The following ERBB4 variants were observed in gnomAD, a reference collection of about 807,000 sequenced individuals.
ERBB4 encodes the protein receptor tyrosine-protein kinase erbB-4.
Under a neutral mutation model 158.0 loss-of-function variants are expected in ERBB4, and 42 were observed. That is an observed-to-expected ratio of 0.27 (90% confidence interval 0.21 to 0.34). The LOEUF is 0.34. Among genes scored for constraint, ERBB4 ranks in the 10% least tolerant of loss-of-function variants. ERBB4 has a pLI of 1.00. For missense variants in ERBB4, 1,333 were observed against 1,624.1 expected, an observed-to-expected ratio of 0.82 and a Z score of 3.08; for synonymous variants, 583 against 558.7, an observed-to-expected ratio of 1.04 and a Z score of -0.61.
At chr2:211,703,379 AAATTTT>A (rs1314066139) in intron 11 of ERBB4, among the ~76,000 whole-genome samples, 2 of 152,192 alleles carry the variant, frequency 1.3e-5, no homozygotes, top group Non-Finnish European at 2.9e-5. Flanking sequence ...TATAACTTTT[AAATTTT>A]AATAGTGAAA....
At chr2:211,888,706 C>T (rs961236383) in intron 3 of ERBB4, among the ~76,000 whole-genome samples, 5 of 152,020 alleles carry the variant, frequency 3.3e-5, no homozygotes, top group Admixed American at 3.3e-4. Flanking sequence ...CGTGCGCGAG[C>T]CGAAGCAGGG....
chr2:212,364,437 T>C (rs897392063), intron 1 of ERBB4, among the ~76,000 whole-genome samples: 1 of 151,604 alleles, frequency 6.6e-6, no homozygotes, highest in African/African-American at 2.4e-5. Context: ...ATAATGCAAC[T>C]GGGCAGCCTT....
chr2:212,156,989 T>C (rs2081053351), intron 1 of ERBB4, among the ~76,000 whole-genome samples: 1 of 152,070 alleles, frequency 6.6e-6, no homozygotes, highest in Admixed American at 6.6e-5. Context: ...TCTCCAAACT[T>C]TTCTCCATAT....
chr2:211,546,477 T>C (rs1452463903), intron 20 of ERBB4, among the ~76,000 whole-genome samples: 1 of 152,128 alleles, frequency 6.6e-6, no homozygotes, highest in Non-Finnish European at 1.5e-5. Flanking sequence ...CTCATTCACT[T>C]TCAGCCTGTA....
chr2:212,097,735 G>A (rs954456826), intron 2 of ERBB4, among the ~76,000 whole-genome samples: 3 of 152,134 alleles, frequency 2.0e-5, no homozygotes, highest in African/African-American at 7.2e-5. Context: ...TGATTTCAAA[G>A]AGAAGAAATG....
At chr2:212,055,614 G>C (rs1398370703) in intron 2 of ERBB4, among the ~76,000 whole-genome samples, 4 of 152,228 alleles carry the variant, frequency 2.6e-5, no homozygotes, top group Non-Finnish European at 2.9e-5. Flanking sequence ...AACGTTTGCT[G>C]TTCAGCAATA....
At chr2:212,128,999 A>T (rs1260467990) in intron 1 of ERBB4, among the ~76,000 whole-genome samples, 1 of 152,086 alleles carries the variant, frequency 6.6e-6, no homozygotes, top group Non-Finnish European at 1.5e-5. Context: ...TAAACTAATA[A>T]AATGACTGTT....
chr2:211,675,360 C>A (rs1262200185), intron 13 of ERBB4, among the ~76,000 whole-genome samples: 2 of 152,008 alleles, frequency 1.3e-5, no homozygotes, highest in African/African-American at 2.4e-5. Context: ...TATTTCTAGG[C>A]CTTAAATACT....
chr2:211,786,496 A>C (rs967690648), intron 4 of ERBB4, among the ~76,000 whole-genome samples: 1 of 152,248 alleles, frequency 6.6e-6, no homozygotes, highest in South Asian at 2.1e-4. Flanking sequence ...TTTACATGAA[A>C]AAAACAATAC....
At chr2:211,886,164 G>T (rs946402682) in intron 3 of ERBB4, among the ~76,000 whole-genome samples, 1 of 152,152 alleles carries the variant, frequency 6.6e-6, no homozygotes, top group Non-Finnish European at 1.5e-5. Flanking sequence ...GGTATCTGCT[G>T]AGTTCTCTAA....
intron 3 of ERBB4, among the ~76,000 whole-genome samples, chr2:211,800,653 G>T: frequency 7.8e-6 from 1 of 127,660 alleles, no homozygotes. Context: ...ATGAAAAACT[G>T]TGCGTTAAAA....
intron 12 of ERBB4, among the ~76,000 whole-genome samples, chr2:211,683,644 T>C (rs1465792124): frequency 6.6e-6 from 1 of 152,128 alleles, no homozygotes; most frequent in African/African-American, 2.4e-5. Flanking sequence ...CTATAAACAT[T>C]TGTGTATATG....
At chr2:211,953,244 C>T (rs972247850) in intron 2 of ERBB4, among the ~76,000 whole-genome samples, 8 of 151,696 alleles carry the variant, frequency 5.3e-5, no homozygotes, top group Admixed American at 5.3e-4. Flanking sequence ...TATAACAATG[C>T]CCTAGGGGAG....
chr2:212,475,516 A>G (rs571712036), intron 1 of ERBB4, among the ~76,000 whole-genome samples: 74 of 152,294 alleles, frequency 4.9e-4, no homozygotes, highest in African/African-American at 1.5e-3. Flanking sequence ...CTCCTCCAGC[A>G]AGCCTTCTCT....
intron 2 of ERBB4, among the ~76,000 whole-genome samples, chr2:212,043,414 T>A (rs1575556705): frequency 1.3e-5 from 2 of 152,144 alleles, no homozygotes; most frequent in African/African-American, 4.8e-5. Context: ...TAAATGAGAA[T>A]CTCTCTGTAG....
chr2:212,290,682 G>A (rs1038538566), intron 1 of ERBB4, among the ~76,000 whole-genome samples: 3 of 151,852 alleles, frequency 2.0e-5, no homozygotes, highest in Admixed American at 6.6e-5. Context: ...GTGTGTGTGC[G>A]TGTGTGCACG....
intron 4 of ERBB4, among the ~76,000 whole-genome samples, chr2:211,765,151 G>C (rs1052686152): frequency 6.6e-6 from 1 of 152,118 alleles, no homozygotes; most frequent in Admixed American, 6.6e-5. Context: ...AGAAAAATGA[G>C]GGATAGAGGG....
At chr2:211,752,725 G>T (rs2075170773) in intron 4 of ERBB4, among the ~76,000 whole-genome samples, 2 of 151,938 alleles carry the variant, frequency 1.3e-5, no homozygotes, top group Non-Finnish European at 2.9e-5. Flanking sequence ...AATATAAAAA[G>T]GCATGTTGCT....
chr2:211,810,170 A>T (rs1310162792), intron 3 of ERBB4, among the ~76,000 whole-genome samples: 1 of 152,118 alleles, frequency 6.6e-6, no homozygotes, highest in Non-Finnish European at 1.5e-5. Flanking sequence ...TATTCTGTTG[A>T]TTTGGGGAAG....
Sources: gnomAD v4.1 joint callset for allele counts (sites outside exome capture counted in the v4.1 genomes callset) on GRCh38, gnomAD v4.1.1 for gene constraint, MANE v1.5 for transcripts, NCBI Gene and HGNC (gene_info 2026-07-23, HGNC 2026-07-21) for gene names.